Variants in NRG1 observed in about 807,000 individuals in gnomAD.
NRG1 encodes the protein neuregulin 1, also known as pro-neuregulin-1, membrane-bound isoform.
A neutral mutation model predicts 63.8 loss-of-function variants in NRG1; 18 were observed. That is an observed-to-expected ratio of 0.28 (90% CI 0.19 to 0.42). NRG1 has a LOEUF of 0.42. NRG1 is among the 10% of genes least tolerant of loss of function. The pLI is 1.00. For missense variants in NRG1, 762 were observed against 814.7 expected (o/e 0.94, Z 0.79); for synonymous variants, 302 against 301.3 (o/e 1.00, Z -0.02).
rs537048022 is a variant in NRG1 at position 31,804,222 on chromosome 8, C to T, written c.37+164791C>T. On this transcript the variant is annotated intron_variant, in intron 1 of 10. Transcript: ENST00000519301. ...CTTTAATGAATGAATAAACTGAAAACCCTAAAGTTCAGTAATACTGGCCTC... is the reference window on the plus strand; with the variant it reads ...CTTTAATGAATGAATAAACTGAAAATCCTAAAGTTCAGTAATACTGGCCTC... Among the ~76,000 whole-genome samples, 6 of 152,240 alleles carry T rather than the reference C, an allele frequency of 3.9e-5. No individual in the cohort carries two copies. The South Asian group carries it at 8.3e-4, about 21-fold the overall frequency.
At chr8:31,929,919 A>G (rs914986516) in intron 1 of NRG1, among the ~76,000 whole-genome samples, 6 of 152,176 alleles carry the variant, frequency 3.9e-5, no homozygotes, top group South Asian at 2.1e-4. Context: ...TGACCTGACT[A>G]TAAATATTTT....
chr8:32,393,319 C>T (rs769881316), intron 1 of NRG1, among the ~76,000 whole-genome samples: 1 of 152,288 alleles, frequency 6.6e-6, no homozygotes, highest in South Asian at 2.1e-4. Flanking sequence ...TGAGTCTCAA[C>T]AGAAGCTTGT....
chr8:32,632,260 G>A (rs1850454005), intron 5 of NRG1, among the ~76,000 whole-genome samples: 1 of 152,010 alleles, frequency 6.6e-6, no homozygotes, highest in Non-Finnish European at 1.5e-5. Flanking sequence ...GCCTTAATTG[G>A]ACATGTCACT....
intron 1 of NRG1, among the ~76,000 whole-genome samples, chr8:31,751,229 T>C (rs1043041065): frequency 6.6e-6 from 1 of 152,028 alleles, no homozygotes; most frequent in Non-Finnish European, 1.5e-5. Flanking sequence ...GTTGGCTCTC[T>C]CTGTATATCA....
intron 1 of NRG1, among the ~76,000 whole-genome samples, chr8:31,850,416 G>A (rs567607610): frequency 4.6e-5 from 7 of 152,190 alleles, no homozygotes; most frequent in South Asian, 2.1e-4. Context: ...TGGTTCTTCC[G>A]CACATGGTCA....
chr8:31,909,336 G>A lies in NRG1; in HGVS notation c.37+269905G>A, dbSNP rs570037838. The stretch of plus-strand genomic sequence containing the variant: ...ACAGAGAAGACATTTTACAGAGGAA[G>A]ACACTGAGCATCAGGGACATTCAGT... On this transcript the variant is annotated intron_variant, in intron 1 of 10. Transcript: ENST00000519301. 1.0e-3 allele frequency among the ~76,000 whole-genome samples: 158 copies of A among 152,164 alleles called. 1 individual carries two copies. Among genetic ancestry groups the A allele is most frequent in the South Asian group, 3.1e-3 (15 of 4,824 alleles).
chr8:32,525,363 A>T (rs1830719246), intron 1 of NRG1, among the ~76,000 whole-genome samples: 2 of 150,150 alleles, frequency 1.3e-5, no homozygotes, highest in Admixed American at 6.7e-5. Flanking sequence ...TCTAGACAAG[A>T]TTATTCTCAT....
At chr8:31,676,716 G>T (rs570320625) in intron 1 of NRG1, among the ~76,000 whole-genome samples, 1 of 152,176 alleles carries the variant, frequency 6.6e-6, no homozygotes, top group Non-Finnish European at 1.5e-5. Context: ...CAGCAGCCAG[G>T]TTTCAAATTT....
At chr8:31,686,317 C>T (rs1344412897) in intron 1 of NRG1, among the ~76,000 whole-genome samples, 1 of 152,148 alleles carries the variant, frequency 6.6e-6, no homozygotes, top group East Asian at 1.9e-4. Context: ...TCCTCTGTGA[C>T]ATGTTTCTTT....
At chr8:32,699,292 A>G (rs1003034504) in intron 5 of NRG1, among the ~76,000 whole-genome samples, 1 of 152,170 alleles carries the variant, frequency 6.6e-6, no homozygotes. Flanking sequence ...AAACTTGTCT[A>G]CTTCCTCCTG....
chr8:32,687,123 A>G (rs911365985), intron 5 of NRG1, among the ~76,000 whole-genome samples: 1 of 152,212 alleles, frequency 6.6e-6, no homozygotes, highest in Non-Finnish European at 1.5e-5. Flanking sequence ...ACTTTAGCAT[A>G]CCACTCTATA....
intron 6 of NRG1, among the ~76,000 whole-genome samples, chr8:32,738,467 TACA>T (rs1288021880): frequency 6.6e-6 from 1 of 152,038 alleles, no homozygotes; most frequent in Non-Finnish European, 1.5e-5. Flanking sequence ...TATTTAAAGC[TACA>T]ACAAGTACTT....
chr8:32,418,542 A>ACCTTAATT (rs1816256061), intron 1 of NRG1, among the ~76,000 whole-genome samples: 3 of 152,036 alleles, frequency 2.0e-5, no homozygotes, highest in African/African-American at 7.2e-5. Flanking sequence ...TTTGGACTAG[A>ACCTTAATT]TGCATTTCAG....
At chr8:32,665,670 C>T (rs996990049) in intron 5 of NRG1, among the ~76,000 whole-genome samples, 1 of 152,152 alleles carries the variant, frequency 6.6e-6, no homozygotes, top group African/African-American at 2.4e-5. Flanking sequence ...TGAAAGGGTG[C>T]AATTTCTACT....
chr8:32,679,426 C>G (rs1384962117), intron 5 of NRG1, among the ~76,000 whole-genome samples: 1 of 152,134 alleles, frequency 6.6e-6, no homozygotes, highest in Non-Finnish European at 1.5e-5. Flanking sequence ...TGTACCCTCC[C>G]TTTATGGCCC....
chr8:32,769,052 C>T (rs1161791765), downstream of NRG1, among the ~76,000 whole-genome samples: 1 of 152,058 alleles, frequency 6.6e-6, no homozygotes, highest in Non-Finnish European at 1.5e-5. Flanking sequence ...CATACAAACA[C>T]AGAGAGACAA....
At chr8:31,652,853 CCTTTT>C (rs1287029914) in intron 1 of NRG1, among the ~76,000 whole-genome samples, 2 of 151,826 alleles carry the variant, frequency 1.3e-5, no homozygotes, top group South Asian at 2.1e-4. Flanking sequence ...CTTTGCTTTT[CCTTTT>C]CTTTTCTCTT....
At chr8:32,390,893 G>A (rs1281823704) in intron 1 of NRG1, among the ~76,000 whole-genome samples, 11 of 152,034 alleles carry the variant, frequency 7.2e-5, no homozygotes. Context: ...AAAAAAAAGT[G>A]AGAAGTCAAC....
At chr8:32,365,000 C>T (rs1807767586) in intron 1 of NRG1, among the ~76,000 whole-genome samples, 1 of 144,764 alleles carries the variant, frequency 6.9e-6, no homozygotes, top group East Asian at 2.1e-4. Context: ...ACCCTGTTGC[C>T]CAGGCTAGAG....
Sources: gnomAD v4.1 joint callset for allele counts (sites outside exome capture counted in the v4.1 genomes callset) on GRCh38, gnomAD v4.1.1 for gene constraint, MANE v1.5 for transcripts, NCBI Gene and HGNC (gene_info 2026-07-23, HGNC 2026-07-21) for gene names.